TMEM132D: variants seen among roughly 807,000 people sequenced by gnomAD.
TMEM132D encodes the protein mature OL transmembrane protein.
In TMEM132D, 21 loss-of-function variants were observed where a neutral mutation model predicts 62.3. That is an observed-to-expected ratio of 0.34 (90% confidence interval 0.24 to 0.49). The LOEUF is 0.49. Among genes scored for constraint, TMEM132D ranks in the 20% least tolerant of loss-of-function variants. The pLI is 0.99. For synonymous variants in TMEM132D, 621 were observed against 575.6 expected (o/e 1.08, Z -1.13); for missense variants, 1,346 against 1,402.8 (o/e 0.96, Z 0.65).
intron 2 of TMEM132D, among the ~76,000 whole-genome samples, chr12:129,656,816 T>TA (rs944270646): frequency 1.3e-5 from 2 of 152,284 alleles, no homozygotes; most frequent in Middle Eastern, 3.4e-3. Context: ...ATTATTTTAC[T>TA]AAAAAAATGT....
chr12:129,887,711 C>T (rs891658628), intron 1 of TMEM132D, among the ~76,000 whole-genome samples: 8 of 152,170 alleles, frequency 5.3e-5, no homozygotes, highest in African/African-American at 1.9e-4. Context: ...ACATTGGGTC[C>T]AAATGCAAGC....
chr12:129,886,704 G>A (rs1001815780), intron 1 of TMEM132D, among the ~76,000 whole-genome samples: 1 of 152,136 alleles, frequency 6.6e-6, no homozygotes, highest in Non-Finnish European at 1.5e-5. Flanking sequence ...TCTTTGATAT[G>A]GTCTGGCTGT....
chr12:129,075,304 C>G (rs570255222), intron 8 of TMEM132D, among the ~76,000 whole-genome samples: 3 of 148,552 alleles, frequency 2.0e-5, no homozygotes, highest in Non-Finnish European at 1.5e-5. Flanking sequence ...TTAAACAATC[C>G]GTAAGAAGAT....
chr12:129,656,521 C>A (rs1006561313), intron 2 of TMEM132D, among the ~76,000 whole-genome samples: 1 of 152,002 alleles, frequency 6.6e-6, no homozygotes, highest in Non-Finnish European at 1.5e-5. Flanking sequence ...AGGACTCTAG[C>A]CTCATAGTCT....
chr12:129,819,477 A>G (rs1269437358), intron 1 of TMEM132D, among the ~76,000 whole-genome samples: 1 of 152,124 alleles, frequency 6.6e-6, no homozygotes, highest in Non-Finnish European at 1.5e-5. Context: ...CCAGGGATGG[A>G]GGTACAACTC....
At chr12:129,289,547 TAAA>T (rs59709658) in intron 4 of TMEM132D, among the ~76,000 whole-genome samples, 1 of 92,196 alleles carries the variant, frequency 1.1e-5, no homozygotes, top group Non-Finnish European at 2.3e-5. Context: ...TCCATCTCAA[TAAA>T]AAAAAAAAAA....
chr12:129,230,530 G>A (rs1879610848), intron 4 of TMEM132D, among the ~76,000 whole-genome samples: 1 of 152,228 alleles, frequency 6.6e-6, no homozygotes, highest in East Asian at 1.9e-4. Flanking sequence ...TGAAACTACG[G>A]AGAAATTTAT....
intron 5 of TMEM132D, among the ~76,000 whole-genome samples, chr12:129,140,457 G>A (rs969046177): frequency 1.3e-5 from 2 of 152,022 alleles, no homozygotes; most frequent in African/African-American, 4.8e-5. Context: ...TTGCTGTCAT[G>A]GTAGTTTTAT....
rs76211612 is a variant in TMEM132D at position 129,140,364 on chromosome 12, G to C, written c.1444-55662C>G. The stretch of plus-strand genomic sequence containing the variant: ...AAAGATATACAATAGAAAGATATGA[G>C]ACGGTCTCCCCCCAGAAACGTTTCC... On this transcript the variant is annotated intron_variant, in intron 5 of 8. Transcript: ENST00000422113. Among the ~76,000 whole-genome samples the C allele has an allele frequency of 6.8e-3, 1,036 of 152,216 alleles. 14 individuals carry two copies. The highest frequency in any genetic ancestry group is 0.023 in the African/African-American group (950 of 41,522).
chr12:129,636,698 A>G (rs369191189), intron 2 of TMEM132D, among the ~76,000 whole-genome samples: 11 of 107,958 alleles, frequency 1.0e-4, no homozygotes, highest in African/African-American at 2.6e-4. Context: ...TCATACAGAA[A>G]TGTGTGTGTG....
At chr12:129,540,539 G>A (rs1175298131) in intron 2 of TMEM132D, among the ~76,000 whole-genome samples, 1 of 151,628 alleles carries the variant, frequency 6.6e-6, no homozygotes, top group East Asian at 1.9e-4. Context: ...AGGCTGGAGT[G>A]CACTGGTGTG....
At chr12:129,623,235 C>T (rs571027883) in intron 2 of TMEM132D, among the ~76,000 whole-genome samples, 1 of 152,284 alleles carries the variant, frequency 6.6e-6, no homozygotes, top group Non-Finnish European at 1.5e-5. Context: ...TTATTTAGCA[C>T]TTTTTGTTAC....
chr12:129,224,556 G>T (rs1879431164), intron 4 of TMEM132D, among the ~76,000 whole-genome samples: 1 of 152,184 alleles, frequency 6.6e-6, no homozygotes, highest in Non-Finnish European at 1.5e-5. Context: ...TTCAAAAACA[G>T]AATATAGTCT....
At chr12:129,454,728 C>T (rs1463106704) in intron 3 of TMEM132D, among the ~76,000 whole-genome samples, 1 of 152,204 alleles carries the variant, frequency 6.6e-6, no homozygotes, top group East Asian at 1.9e-4. Flanking sequence ...TACAAAAGAA[C>T]TGATTCCACC....
At chr12:129,271,498 C>A (rs559717934) in intron 4 of TMEM132D, among the ~76,000 whole-genome samples, 1 of 151,520 alleles carries the variant, frequency 6.6e-6, no homozygotes, top group African/African-American at 2.4e-5. Context: ...ATCCATCAAC[C>A]CATCATCTAG....
intron 4 of TMEM132D, among the ~76,000 whole-genome samples, chr12:129,276,114 C>A (rs1033201356): frequency 6.6e-6 from 1 of 152,276 alleles, no homozygotes; most frequent in East Asian, 1.9e-4. Context: ...CAGGTTCTTC[C>A]CCCAAACTAG....
chr12:129,814,242 TG>T (rs1376757702), intron 1 of TMEM132D, among the ~76,000 whole-genome samples: 3 of 152,206 alleles, frequency 2.0e-5, no homozygotes, highest in South Asian at 2.1e-4. Context: ...AGAATGAAAC[TG>T]GTATCACCAC....
chr12:129,645,149 T>C (rs1215654154), intron 2 of TMEM132D, among the ~76,000 whole-genome samples: 1 of 152,144 alleles, frequency 6.6e-6, no homozygotes, highest in Non-Finnish European at 1.5e-5. Context: ...TTTCCATCCC[T>C]TTCCTGGATC....
chr12:129,430,539 G>A (rs7484497), intron 3 of TMEM132D, among the ~76,000 whole-genome samples: 26,920 of 151,926 alleles, frequency 0.18, 2,874 homozygotes, highest in African/African-American at 0.28. Flanking sequence ...CTGGGCTTAA[G>A]CGATACTCCT....
Sources: allele counts gnomAD v4.1 joint callset (sites outside exome capture counted in the v4.1 genomes callset), GRCh38; gene constraint gnomAD v4.1.1; transcripts MANE v1.5; gene names NCBI Gene and HGNC (gene_info 2026-07-23, HGNC 2026-07-21).